The following NBEA variants were observed in gnomAD, a reference collection of about 807,000 sequenced individuals.
The protein encoded by NBEA is lysosomal-trafficking regulator 2.
In NBEA, 44 loss-of-function variants were observed where a neutral mutation model predicts 343.4. That is an observed-to-expected ratio of 0.13 (90% CI 0.10 to 0.16). The LOEUF is 0.16. Among genes scored for constraint, NBEA ranks in the 10% least tolerant of loss-of-function variants. The pLI is 1.00. For missense variants in NBEA, 2,555 were observed against 3,631.3 expected (o/e 0.70, Z 7.62); for synonymous variants, 1,175 against 1,238.7 (o/e 0.95, Z 1.08).
intron 48 of NBEA, among the ~76,000 whole-genome samples, chr13:35,625,398 C>T (rs1328094437): frequency 5.9e-5 from 9 of 152,110 alleles, no homozygotes; most frequent in Non-Finnish European, 1.3e-4. Flanking sequence ...AGGCGGATCA[C>T]GTGAGCTCAG....
chr13:35,292,141 T>C (rs1243899272), intron 35 of NBEA, among the ~76,000 whole-genome samples: 1 of 151,980 alleles, frequency 6.6e-6, no homozygotes, highest in African/African-American at 2.4e-5. Context: ...TTTATTCTTA[T>C]TCAGGGGGGA....
At chr13:35,326,312 T>C (rs1163858750) in intron 36 of NBEA, among the ~76,000 whole-genome samples, 1 of 152,142 alleles carries the variant, frequency 6.6e-6, no homozygotes, top group African/African-American at 2.4e-5. Context: ...ATGATTTCTT[T>C]CAGCAGTGGT....
In NBEA at chr13:35,452,163, A is replaced by G. The variant is rs760237726; in HGVS notation, c.6376A>G (p.Thr2126Ala). 4.3e-6 allele frequency: 7 copies of G among 1,610,314 alleles called. No homozygotes were observed. In the South Asian group the frequency reaches 7.7e-5, roughly 18 times the overall value. The change falls in exon 40 of 59, where the codon ACA becomes GCA. Residue 2126 changes from threonine (T) to alanine (A), a missense_variant. Thr to Ala is a moderately conservative substitution (Grantham distance 58). Transcript: ENST00000379939. ...SQAIVNQNAE[T>A]ELMLEGDDDA... ...AGCAATAGTGAACCAAAATGCAGAGACAGAACTTATGCTGGAAGGAGACGA... is the reference window on the plus strand; with the variant it reads ...AGCAATAGTGAACCAAAATGCAGAGGCAGAACTTATGCTGGAAGGAGACGA...
intron 33 of NBEA, among the ~76,000 whole-genome samples, chr13:35,221,435 T>C (rs1191902774): frequency 6.6e-6 from 1 of 152,132 alleles, no homozygotes; most frequent in Non-Finnish European, 1.5e-5. Context: ...GTAAATATAG[T>C]TACCCTAAAG....
chr13:35,516,054 A>C (rs933209915), intron 41 of NBEA, among the ~76,000 whole-genome samples: 1 of 152,206 alleles, frequency 6.6e-6, no homozygotes, highest in Non-Finnish European at 1.5e-5. Context: ...TACGGAGTTA[A>C]CCTTAAACAT....
At chr13:35,627,330 G>A (rs1339481125) in intron 48 of NBEA, among the ~76,000 whole-genome samples, 1 of 152,148 alleles carries the variant, frequency 6.6e-6, no homozygotes, top group Non-Finnish European at 1.5e-5. Context: ...GAGAGGCGTA[G>A]TGAGCCATGC....
At chr13:35,053,181 C>G (rs1310320692) in intron 6 of NBEA, among the ~76,000 whole-genome samples, 1 of 152,096 alleles carries the variant, frequency 6.6e-6, no homozygotes, top group Admixed American at 6.6e-5. Flanking sequence ...TGGAGCAGAT[C>G]GTTTCACTTT....
intron 10 of NBEA, among the ~76,000 whole-genome samples, chr13:35,075,217 T>C (rs2064059829): frequency 6.6e-6 from 1 of 152,150 alleles, no homozygotes; most frequent in African/African-American, 2.4e-5. Flanking sequence ...GGAATGATTT[T>C]AATAAGTGCC....
intron 41 of NBEA, among the ~76,000 whole-genome samples, chr13:35,515,223 G>A (rs1043995060): frequency 2.0e-5 from 3 of 152,138 alleles, no homozygotes; most frequent in African/African-American, 7.2e-5. Flanking sequence ...AAAAGCAAAG[G>A]TAGAGAGACA....
intron 1 of NBEA, among the ~76,000 whole-genome samples, chr13:34,955,452 A>C (rs1341616473): frequency 6.6e-6 from 1 of 152,146 alleles, no homozygotes; most frequent in African/African-American, 2.4e-5. Context: ...CTGTGGGAAC[A>C]TTAATGGAGC....
intron 10 of NBEA, among the ~76,000 whole-genome samples, chr13:35,075,112 G>C (rs1414472387): frequency 6.6e-6 from 1 of 152,146 alleles, no homozygotes; most frequent in Non-Finnish European, 1.5e-5. Flanking sequence ...AGAGACATAA[G>C]TGGCAGAACC....
Position 35,225,408 on chromosome 13 carries a change from A to G in NBEA, c.5649-7084A>G, listed in dbSNP as rs796480135. 6.0e-4 allele frequency among the ~76,000 whole-genome samples: 92 copies of G among 152,232 alleles called. 1 individual carries two copies. The highest frequency in any genetic ancestry group is 2.1e-3 in the African/African-American group (87 of 41,548). ...TGACAGGATTTGTTGTCTTTCTCTC[A>G]AATGCATAAGGCTTCCATTCTGTAG... On this transcript the variant is annotated intron_variant, in intron 33 of 58. Transcript: ENST00000379939.
At position 35,623,562 on chromosome 13, in the gene NBEA, ATAAT is replaced by A. The variant is rs1273866505; in HGVS notation, c.7450-4512_7450-4509del. ...ATAAAAAAGACAAAATTATTTAACT[ATAAT>A]TAATTATTTATTGATTCACTATGCT... On this transcript the variant is annotated intron_variant, in intron 48 of 58. Transcript: ENST00000379939. Among the ~76,000 whole-genome samples, 5 of 152,228 alleles carry A rather than the reference ATAAT, an allele frequency of 3.3e-5. No homozygotes were observed. The East Asian group carries it at 7.7e-4, about 24-fold the overall frequency.
intron 30 of NBEA, among the ~76,000 whole-genome samples, chr13:35,184,677 A>G (rs1235883533): frequency 6.6e-6 from 1 of 152,136 alleles, no homozygotes; most frequent in Non-Finnish European, 1.5e-5. Context: ...AAGCCATTAC[A>G]TGTATATTCA....
intron 41 of NBEA, among the ~76,000 whole-genome samples, chr13:35,546,831 G>A (rs977344735): frequency 3.9e-5 from 6 of 152,068 alleles, no homozygotes; most frequent in African/African-American, 1.2e-4. Context: ...GGGATTACAG[G>A]CGTGAGCCAC....
At chr13:34,952,814 A>G (rs926691649) in intron 1 of NBEA, among the ~76,000 whole-genome samples, 13 of 152,148 alleles carry the variant, frequency 8.5e-5, no homozygotes, top group African/African-American at 3.1e-4. Flanking sequence ...TGGTATATAA[A>G]TATTTTTATG....
rs185970478 is a variant in NBEA at position 35,178,329 on chromosome 13, A to C, written c.4662+1226A>C. Among the ~76,000 whole-genome samples, 950 of 151,874 alleles carry C rather than the reference A, an allele frequency of 6.3e-3. 12 individuals are homozygous for C. The highest frequency in any genetic ancestry group is 0.022 in the African/African-American group (898 of 41,534). ...AGAATTTGTTTAACTTAATGTTTTC[A>C]TCAGAGATATCTACAGGAAATTTGG... On this transcript the variant is annotated intron_variant, in intron 28 of 58. Transcript: ENST00000379939.
At chr13:35,353,590 G>A (rs9315338) in intron 38 of NBEA, among the ~76,000 whole-genome samples, 128,494 of 152,136 alleles carry the variant, frequency 0.84, 54,488 homozygotes, top group South Asian at 0.93. Context: ...AAAATAGTCA[G>A]CATTTAATAT....
chr13:35,655,157 C>A, intron 54 of NBEA, 147 bp downstream of exon 54: 2 of 609,862 alleles, frequency 3.3e-6, no homozygotes, highest in Non-Finnish European at 5.1e-6. Flanking sequence ...ACATTGTAAG[C>A]AAAGTAACTA....
Sources: allele counts gnomAD v4.1 joint callset (sites outside exome capture counted in the v4.1 genomes callset), GRCh38; gene constraint gnomAD v4.1.1; transcripts MANE v1.5; gene names NCBI Gene and HGNC (gene_info 2026-07-23, HGNC 2026-07-21).